Variants in CSDE1 observed in about 807,000 individuals in gnomAD.
CSDE1 encodes the protein cold shock domain containing E1.
In CSDE1, 17 loss-of-function variants were observed where a neutral mutation model predicts 89.3. The ratio of observed to expected loss-of-function variants is 0.19; its 90% CI spans 0.13 to 0.29. CSDE1 has a LOEUF of 0.29. Among genes scored for constraint, CSDE1 ranks in the 10% least tolerant of loss-of-function variants. The probability of loss-of-function intolerance (pLI) is 1.00; values close to 1 mark genes in which losing one functional copy is unlikely to be tolerated. For synonymous variants in CSDE1, 322 were observed against 332.8 expected, an observed-to-expected ratio of 0.97 and a Z score of 0.35; for missense variants, 672 against 984.2, an observed-to-expected ratio of 0.68 and a Z score of 4.24.
At position 114,726,370 on chromosome 1, in the gene CSDE1, C is replaced by T. The variant is rs181895470; in HGVS notation, c.1481G>A (p.Ser494Asn). 2 of 1,608,886 alleles carry T rather than the reference C, an allele frequency of 1.2e-6. No individual in the cohort carries two copies. The highest frequency in any genetic ancestry group is 1.7e-6 in the Non-Finnish European group (2 of 1,178,282). ...QIGDKVEFSI[S>N]DKQRPGQQVA... ...CTGCTGTCCAGGCCTCTGTTTGTCACTAATACTAAATTCAACCTGTGAAAA... is the reference window on the plus strand; with the variant it reads ...CTGCTGTCCAGGCCTCTGTTTGTCATTAATACTAAATTCAACCTGTGAAAA... The change falls in exon 14 of 20, where the codon AGT becomes AAT. Residue 494 changes from serine to asparagine, a missense_variant. Around this residue, in one of 8 missense-constraint regions of CSDE1, gnomAD observed 108 missense variants for 105.0 expected, o/e 1.03. Transcript: ENST00000358528.
At chr1:114,745,179 A>T (rs755427998) in intron 2 of CSDE1, among the ~76,000 whole-genome samples, 1 of 152,352 alleles carries the variant, frequency 6.6e-6, no homozygotes, top group Non-Finnish European at 1.5e-5. Flanking sequence ...CAATTTAGCA[A>T]CATGTATCAA....
intron 16 of CSDE1, among the ~76,000 whole-genome samples, 175 bp downstream of exon 16, chr1:114,723,708 C>A (rs115150847): frequency 6.6e-6 from 1 of 152,188 alleles, no homozygotes; most frequent in Admixed American, 6.5e-5. Flanking sequence ...TAAACCCAGA[C>A]TGACCTCATT....
intron 2 of CSDE1, among the ~76,000 whole-genome samples, chr1:114,747,054 G>A (rs1170583722): frequency 3.3e-5 from 5 of 152,152 alleles, no homozygotes; most frequent in Admixed American, 2.6e-4. Flanking sequence ...AACTAGGAGC[G>A]CGACAGGAAT....
intron 12 of CSDE1, chr1:114,727,750 T>C (rs1409935156): frequency 6.6e-6 from 1 of 152,156 alleles, no homozygotes; most frequent in African/African-American, 2.4e-5. Context: ...GTTATCTCGA[T>C]TGTTCAGTCA....
At position 114,732,749 on chromosome 1, in the gene CSDE1, T is replaced by C. The variant is rs766780183; in HGVS notation, c.905A>G (p.Lys302Arg). The change falls in exon 10 of 20, where the codon AAA becomes AGA. Residue 302 changes from lysine (K) to arginine (R), a missense_variant. Coordinates refer to ENST00000358528, the MANE Select transcript of CSDE1 (RefSeq NM_001007553.3). ...VIPKELPFGD[K>R]DTKSKVTLLE... is the part of the protein sequence containing the mutation. Reference sequence around the variant, plus strand: ...CAGGGTCACCTTGGATTTCGTATCTTTGTCTCCAAAGGGAAGTTCTTTAGG... The same window carrying C: ...CAGGGTCACCTTGGATTTCGTATCTCTGTCTCCAAAGGGAAGTTCTTTAGG... 1.5e-5 allele frequency: 24 copies of C among 1,614,062 alleles called. No homozygotes were observed. Among genetic ancestry groups the C allele is most frequent in the Non-Finnish European group, 1.8e-5 (21 of 1,180,030 alleles).
chr1:114,722,324 C>A (rs1008159050), intron 16 of CSDE1, among the ~76,000 whole-genome samples: 4 of 152,206 alleles, frequency 2.6e-5, no homozygotes, highest in Non-Finnish European at 5.9e-5. Flanking sequence ...GATGCACATA[C>A]TGATTCATAC....
At position 114,734,626 on chromosome 1, in the gene CSDE1, A is replaced by G. The variant is rs74900610; in HGVS notation, c.501-103T>C. On this transcript the variant is annotated intron_variant, in intron 6 of 19. Transcript: ENST00000358528. The stretch of plus-strand genomic sequence containing the variant: ...AAGAAACTAGTTTCCTGGGGCTTTA[A>G]GAATTCTATCATCACTAAGAATAAA... 1.1e-3 allele frequency: 906 copies of G among 797,136 alleles called. 5 individuals are homozygous for G. The African/African-American group carries it at 0.014, about 12-fold the overall frequency. The allele number at this position is 797,136 out of a possible 1,614,324, so 49.4% of individuals were successfully genotyped here.
rs1338289624 is a variant in CSDE1, at chr1:114,725,293, T to C, written c.1681A>G (p.Met561Val). 5.0e-6 allele frequency: 8 copies of C among 1,614,084 alleles called. No individual in the cohort carries two copies. The highest frequency in any genetic ancestry group is 4.4e-5 in the South Asian group (4 of 91,088). Reference sequence around the variant, plus strand: ...CCTTTGGACAAGCTATACTCGACCATGTCCCCCAGTTCCAGGCTATCAACA... The same window carrying C: ...CCTTTGGACAAGCTATACTCGACCACGTCCCCCAGTTCCAGGCTATCAACA... ...GDVDSLELGD[M>V]VEYSLSKGKG... The change falls in exon 15 of 20, where the codon ATG becomes GTG. Residue 561 changes from methionine (M) to valine (V), a missense_variant. By Grantham distance (21) the Met-to-Val change is conservative. This residue lies in a region of CSDE1 where 206 missense variants were observed against 332.4 expected (regional missense o/e 0.62). Transcript: ENST00000358528.
intron 3 of CSDE1, among the ~76,000 whole-genome samples, chr1:114,738,551 A>G (rs1660533094): frequency 6.6e-6 from 1 of 151,522 alleles, no homozygotes; most frequent in South Asian, 2.1e-4. Context: ...TTCCTATAGC[A>G]TGCATCTTGT....
intron 9 of CSDE1, 33 bp from the exon 10 acceptor site, chr1:114,732,849 A>C (rs575447352): frequency 1.3e-6 from 2 of 1,538,122 alleles, no homozygotes; most frequent in Non-Finnish European, 9.0e-7. Context: ...TTAGCTGGAG[A>C]TTTCTCATCC....
In CSDE1 at chr1:114,723,804, G is replaced by A. The variant is rs1479915241; in HGVS notation, c.1873+79C>T. The A allele has an allele frequency of 2.5e-6, 4 of 1,586,856 alleles. No individual in the cohort carries two copies. The East Asian group carries it at 9.0e-5, about 36-fold the overall frequency. ...TTAAACCTAAAAACAACTGCAATAA[G>A]CACCATATTTTAAAACTTTATAGGT... is the stretch of plus-strand genomic sequence containing the variant. On this transcript the variant is annotated intron_variant, in intron 16 of 19. Coordinates refer to ENST00000358528, the MANE Select transcript of CSDE1 (RefSeq NM_001007553.3).
chr1:114,752,945 A>G (rs997728361), intron 1 of CSDE1, among the ~76,000 whole-genome samples: 4 of 152,222 alleles, frequency 2.6e-5, no homozygotes, highest in Non-Finnish European at 5.9e-5. Flanking sequence ...GTGCTGCCAT[A>G]TACAACCAAA....
At position 114,738,068 on chromosome 1, in the gene CSDE1, A is replaced by G. The variant is rs1174210264; in HGVS notation, c.204T>C (p.Asp68=). ...GGTCCGATGATACTTCAAATTCAAC[A>G]TCATCTAAAAATAAATAATGTGTTA... The part of the protein sequence containing the change: ...GNLQDLKVGD[D]VEFEVSSDRR... Residue 68 remains aspartate, a synonymous_variant, in exon 4 of 20, where the codon GAT becomes GAC. Transcript: ENST00000358528. 2.5e-6 allele frequency: 4 copies of G among 1,609,926 alleles called. No homozygotes were observed. The African/African-American group carries it at 5.3e-5, about 21-fold the overall frequency.
rs541890766 is a variant in CSDE1, at chr1:114,733,873, T to A, written c.712-16A>T. 2 of 1,613,312 alleles carry A rather than the reference T, an allele frequency of 1.2e-6. No homozygotes were observed. The highest frequency in any genetic ancestry group is 3.3e-5 in the Admixed American group (2 of 59,944). On this transcript the variant is annotated splice_polypyrimidine_tract_variant and intron_variant, in intron 8 of 19. Transcript: ENST00000358528. The stretch of plus-strand genomic sequence containing the variant: ...CTTCTTTACCCTAAATCAGAAGGGG[T>A]TGGAGGTGGTGGGGGGACAGAGGAA...
At chr1:114,743,120 G>C (rs1660820988) in intron 2 of CSDE1, among the ~76,000 whole-genome samples, 1 of 152,132 alleles carries the variant, frequency 6.6e-6, no homozygotes, top group African/African-American at 2.4e-5. Flanking sequence ...TTCAAGCTGT[G>C]CTTCTTTCAT....
At position 114,723,887 on chromosome 1, in the gene CSDE1, C is replaced by G. The variant is rs1050730578; in HGVS notation, c.1869G>C (p.Glu623Asp). The change falls in exon 16 of 20, where the codon GAG (glutamate) becomes GAC (aspartate). Residue 623 changes from glutamate to aspartate, a missense_variant. Coordinates refer to ENST00000358528, the MANE Select transcript of CSDE1 (RefSeq NM_001007553.3). ...CCTGATAGTGATGATCCTTACCCTCCTCCACAATCTCAATCATTCCTTGGT... is the reference window on the plus strand; with the variant it reads ...CCTGATAGTGATGATCCTTACCCTCGTCCACAATCTCAATCATTCCTTGGT... ...TEYQGMIEIV[E>D]EGDMKGEVYP... is the part of the protein sequence containing the mutation. The G allele has an allele frequency of 2.5e-6, 4 of 1,613,860 alleles. No homozygotes were observed. Among genetic ancestry groups the G allele is most frequent in the Non-Finnish European group, 2.5e-6 (3 of 1,179,886 alleles).
chr1:114,726,364 T>C lies in CSDE1; in HGVS notation c.1487A>G (p.Lys496Arg). 1 of 1,610,762 alleles carries C rather than the reference T, an allele frequency of 6.2e-7. No homozygotes were observed. Among genetic ancestry groups the C allele is most frequent in the Non-Finnish European group, 8.5e-7 (1 of 1,178,908 alleles). The stretch of plus-strand genomic sequence containing the variant: ...TGCAACCTGCTGTCCAGGCCTCTGT[T>C]TGTCACTAATACTAAATTCAACCTG... ...GDKVEFSISD[K>R]QRPGQQVATC... Residue 496 changes from lysine to arginine, a missense_variant, in exon 14 of 20, where the codon AAA becomes AGA. Coordinates refer to ENST00000358528, the MANE Select transcript of CSDE1 (RefSeq NM_001007553.3).
intron 7 of CSDE1, 37 bp from the exon 8 acceptor site, chr1:114,734,154 C>T (rs1660264716): frequency 6.3e-7 from 1 of 1,588,348 alleles, no homozygotes; most frequent in Non-Finnish European, 8.5e-7. Flanking sequence ...ATTATTACCA[C>T]TCTGTACAAA....
In CSDE1 at chr1:114,720,711, A is replaced by G. The variant is rs754335086; in HGVS notation, c.1880T>C (p.Met627Thr). Residue 627 changes from methionine to threonine, a missense_variant, in exon 17 of 20, where the codon ATG (methionine) becomes ACG (threonine). Physicochemically the swap from Met to Thr is moderately conservative, Grantham distance 81 (BLOSUM62 -1). Around this residue, in one of 8 missense-constraint regions of CSDE1, gnomAD observed 206 missense variants for 332.4 expected, o/e 0.62. Transcript: ENST00000358528. Reference sequence around the variant, plus strand: ...GCCAAATGGATAGACCTCACCTTTCATATCGCCTGTAAAACAGGTACAAAG... The same window carrying G: ...GCCAAATGGATAGACCTCACCTTTCGTATCGCCTGTAAAACAGGTACAAAG... ...GMIEIVEEGD[M>T]KGEVYPFGIV... 72 of 1,613,948 alleles carry G rather than the reference A, an allele frequency of 4.5e-5. No individual in the cohort carries two copies. The highest frequency in any genetic ancestry group is 5.8e-5 in the Non-Finnish European group (68 of 1,179,978).
Sources: gnomAD v4.1 joint callset for allele counts (sites outside exome capture counted in the v4.1 genomes callset) on GRCh38, gnomAD v4.1.1 for gene constraint, gnomAD v4.1.1 regional missense constraint, MANE v1.5 for transcripts, NCBI Gene and HGNC (gene_info 2026-07-23, HGNC 2026-07-21) for gene names.